DDX56: variants seen among roughly 807,000 people sequenced by gnomAD.
DDX56 encodes the protein probable ATP-dependent RNA helicase DDX56.
Under a neutral mutation model 61.5 loss-of-function variants are expected in DDX56, and 45 were observed. That is an observed-to-expected ratio of 0.73 (90% CI 0.58 to 0.94). The LOEUF is 0.94. DDX56 is among the 40% of genes least tolerant of loss of function. The probability of loss-of-function intolerance (pLI) is 0.00; values close to 1 mark genes in which losing one functional copy is unlikely to be tolerated. For synonymous variants in DDX56, 273 were observed against 268.3 expected (o/e 1.02, Z -0.17); for missense variants, 708 against 690.7 (o/e 1.02, Z -0.28).
chr7:44,572,289 C>G (rs1430289366), intron 5 of DDX56, 58 bp downstream of exon 5: 89 of 1,428,710 alleles, frequency 6.2e-5, no homozygotes, highest in Non-Finnish European at 8.3e-5. Context: ...GAAGGAGCAT[C>G]AAGATCTTTG....
At position 44,572,358 on chromosome 7, in the gene DDX56, A is replaced by T. The variant is rs1213701918; in HGVS notation, c.634T>A (p.Leu212Ile). 6.2e-7 allele frequency: 1 copy of T among 1,613,824 alleles called. No individual in the cohort carries two copies. Among genetic ancestry groups the T allele is most frequent in the Non-Finnish European group, 8.5e-7 (1 of 1,179,902 alleles). ...ATGGTGCCTCTTACCGGGTTATGTA[A>T]TATCAGCTCCTTGAGTGCTTGTACG... ...EDVQALKELI[L>I]HNPVTLKLQE... Residue 212 changes from leucine (L) to isoleucine (I), a missense_variant, in exon 5 of 14, where the codon TTA (leucine) becomes ATA (isoleucine). Transcript: ENST00000258772.
rs1360902933 is a variant in DDX56 at position 44,573,901 on chromosome 7, T to G, written c.-6A>C. On this transcript the variant is annotated 5_prime_UTR_variant, in exon 1 of 14. Transcript: ENST00000258772. ...AGTGCTTCAGAGTCCTCCATGGCGCTGCTCAGTAGCGCAGCACGCACGCGC... is the reference window on the plus strand; with the variant it reads ...AGTGCTTCAGAGTCCTCCATGGCGCGGCTCAGTAGCGCAGCACGCACGCGC... The G allele has an allele frequency of 3.7e-6, 6 of 1,612,984 alleles. No homozygotes were observed. The highest frequency in any genetic ancestry group is 5.1e-6 in the Non-Finnish European group (6 of 1,179,904).
Position 44,573,858 on chromosome 7 carries a change from C to A in DDX56, c.38G>T (p.Gly13Val), listed in dbSNP as rs765538075. ...DSEALGFEHM[G>V]LDPRLLQAVT... ...TACCTGAAGGAGCCGGGGATCGAGG[C>A]CCATGTGTTCGAAGCCCAGTGCTTC... Residue 13 changes from glycine (G) to valine (V), a missense_variant, in exon 1 of 14, where the codon GGC (glycine) becomes GTC (valine). By Grantham distance (109) the Gly-to-Val change is moderately radical. Transcript: ENST00000258772. The A allele has an allele frequency of 1.9e-6, 3 of 1,613,318 alleles. No homozygotes were observed. Among genetic ancestry groups the A allele is most frequent in the Non-Finnish European group, 1.7e-6 (2 of 1,180,014 alleles).
Position 44,571,650 on chromosome 7 carries a change from T to C in DDX56, c.732A>G (p.Lys244=). The C allele has an allele frequency of 6.2e-7, 1 of 1,614,080 alleles. No individual in the cohort carries two copies. ...TGAGCAGGGCATACAGCAGGAGGAA[T>C]TTGTCTTCCTCAGTCTCACAGACCA... ...FQVVCETEED[K]FLLLYALLKL... Residue 244 remains lysine, a synonymous_variant, in exon 6 of 14, where the codon AAA becomes AAG. Coordinates refer to ENST00000258772, the MANE Select transcript of DDX56 (RefSeq NM_019082.4).
chr7:44,572,187 T>G (rs949933782), intron 5 of DDX56, among the ~76,000 whole-genome samples, 160 bp downstream of exon 5: 6 of 152,166 alleles, frequency 3.9e-5, no homozygotes, highest in Non-Finnish European at 5.9e-5. Flanking sequence ...AAATATATAG[T>G]GATTTTAGAC....
chr7:44,573,095 CTG>C (rs1562585736), intron 2 of DDX56, 45 bp from the exon 3 acceptor site: 2 of 1,519,472 alleles, frequency 1.3e-6, no homozygotes, highest in Non-Finnish European at 1.8e-6. Context: ...GTGCACATCA[CTG>C]TGTCCACGTG....
In DDX56 at chr7:44,573,663, G is replaced by A; in HGVS notation, c.142C>T (p.Leu48=). Residue 48 remains leucine (L), a synonymous_variant, in exon 2 of 14, where the codon CTG becomes TTG. Transcript: ENST00000258772. ...CCGGAGCCCGTGCGGGCCCGAGCCA[G>A]GAGGTCCTTCCCTTCTAGGGCCAGT... ...IPLALEGKDL[L]ARARTGSGKT... 1 of 1,613,852 alleles carries A rather than the reference G, an allele frequency of 6.2e-7. No homozygotes were observed. The highest frequency in any genetic ancestry group is 8.5e-7 in the Non-Finnish European group (1 of 1,180,050).
At position 44,568,158 on chromosome 7, in the gene DDX56, T is replaced by C. The variant is rs367828734; in HGVS notation, c.1449A>G (p.Ala483=). The C allele has an allele frequency of 6.2e-7, 1 of 1,614,106 alleles. No homozygotes were observed. The highest frequency in any genetic ancestry group is 8.5e-7 in the Non-Finnish European group (1 of 1,179,976). Residue 483 remains alanine, a synonymous_variant, in exon 12 of 14, where the codon GCA becomes GCG. Transcript: ENST00000258772. ...CATGGCCCAGGTGGGGCTTCACCAC[T>C]GCGGGGTGCAAAGGTAGGTCATGCC... ...LLRHDLPLHP[A]VVKPHLGHVP... is the part of the protein sequence containing the mutation.
rs1023679600 is a variant in DDX56, at chr7:44,566,085, G to A, written c.1567-6C>T. 1.9e-6 allele frequency: 3 copies of A among 1,601,534 alleles called. No homozygotes were observed. Among genetic ancestry groups the A allele is most frequent in the Middle Eastern group, 2.1e-4 (1 of 4,698 alleles). On this transcript the variant is annotated splice_polypyrimidine_tract_variant and splice_region_variant and intron_variant, in intron 13 of 13. Transcript: ENST00000258772. ...GGGTTCTGGGACTTTGCTCTCTAAG[G>A]AGGCAAAGTCACAGGTTAGTTGGGG...
intron 11 of DDX56, 113 bp downstream of exon 11, chr7:44,568,790 C>G (rs1449398132): frequency 4.8e-6 from 4 of 837,814 alleles, no homozygotes; most frequent in Admixed American, 2.2e-5. Flanking sequence ...CCCTTCCGTG[C>G]CAAAGGCCAG....
rs548502772 is a variant in DDX56 at position 44,566,858 on chromosome 7, C to G, written c.1490-334G>C. Reference sequence around the variant, plus strand: ...CCATTACTACCGATACAGGGGGCCCCGCATCCCAGCTGCACCTGATCTTGG... The same window carrying G: ...CCATTACTACCGATACAGGGGGCCCGGCATCCCAGCTGCACCTGATCTTGG... On this transcript the variant is annotated intron_variant, in intron 12 of 13. Transcript: ENST00000258772. Among the ~76,000 whole-genome samples the G allele has an allele frequency of 4.6e-5, 7 of 152,206 alleles. No homozygotes were observed. In the East Asian group the frequency reaches 1.4e-3, roughly 29 times the overall value.
rs190640655 is a variant in DDX56 at position 44,567,836 on chromosome 7, T to C, written c.1489+282A>G. On this transcript the variant is annotated intron_variant, in intron 12 of 13. Transcript: ENST00000258772. Reference sequence around the variant, plus strand: ...CATGGATGGCCATTTGGCCCAGCTCTGGAGACGACCTGGCCTGAAATGCTG... The same window carrying C: ...CATGGATGGCCATTTGGCCCAGCTCCGGAGACGACCTGGCCTGAAATGCTG... The C allele has an allele frequency of 2.3e-4, 114 of 491,344 alleles. 1 individual carries two copies. Among genetic ancestry groups the C allele is most frequent in the African/African-American group, 2.1e-3 (108 of 51,204 alleles). 30.4% of individuals were successfully genotyped at this position (491,344 alleles called of 1,614,324 possible).
At chr7:44,568,305 AC>A in intron 11 of DDX56, 82 bp from the exon 12 acceptor site, 5 of 1,011,026 alleles carry the variant, frequency 4.9e-6, no homozygotes, top group Non-Finnish European at 7.2e-6. Context: ...AGGATAACAC[AC>A]TCATGTGTTT....
Position 44,566,464 on chromosome 7 carries a change from G to A in DDX56, c.1550C>T (p.Ser517Phe), listed in dbSNP as rs769140577. Reference protein sequence around the residue: ...PHKKRKKLSSSCRKAKRAKSQ... With the variant: ...PHKKRKKLSSFCRKAKRAKSQ... ...GAGCCGTACCTTGGCCTTCCTACAA[G>A]AGGAAGACAGCTTCTTCCGCTTCTT... Residue 517 changes from serine to phenylalanine, a missense_variant, in exon 13 of 14, where the codon TCT (serine) becomes TTT (phenylalanine). Coordinates refer to ENST00000258772, the MANE Select transcript of DDX56 (RefSeq NM_019082.4). 6.4e-7 allele frequency: 1 copy of A among 1,559,146 alleles called. No homozygotes were observed. The highest frequency in any genetic ancestry group is 8.7e-7 in the Non-Finnish European group (1 of 1,150,948).
intron 11 of DDX56, 43 bp from the exon 12 acceptor site, chr7:44,568,266 T>C: frequency 7.1e-7 from 1 of 1,415,538 alleles, no homozygotes; most frequent in Non-Finnish European, 9.8e-7. Context: ...GCATCTTTCT[T>C]CTGTGACTTC....
rs1231737854 is a variant in DDX56, at chr7:44,573,847, G to A, written c.49C>T (p.Arg17Trp). The A allele has an allele frequency of 2.5e-6, 4 of 1,613,318 alleles. No homozygotes were observed. Among genetic ancestry groups the A allele is most frequent in the African/African-American group, 1.3e-5 (1 of 75,068 alleles). The change falls in exon 1 of 14, where the codon CGG becomes TGG. Residue 17 changes from arginine to tryptophan, a missense_variant. Physicochemically the swap from Arg to Trp is moderately radical, Grantham distance 101 (BLOSUM62 -3). Coordinates refer to ENST00000258772, the MANE Select transcript of DDX56 (RefSeq NM_019082.4). ...GCCCTCGCGTGTACCTGAAGGAGCCGGGGATCGAGGCCCATGTGTTCGAAG... is the reference window on the plus strand; with the variant it reads ...GCCCTCGCGTGTACCTGAAGGAGCCAGGGATCGAGGCCCATGTGTTCGAAG... ...LGFEHMGLDP[R>W]LLQAVTDLGW...
chr7:44,572,517 G>C, intron 4 of DDX56, 57 bp downstream of exon 4: 1 of 1,613,122 alleles, frequency 6.2e-7, no homozygotes, highest in African/African-American at 1.3e-5. Flanking sequence ...CCCCGCTCTC[G>C]TCCCAACTCC....
intron 7 of DDX56, 53 bp from the exon 8 acceptor site, chr7:44,570,181 T>G (rs1393012327): frequency 5.0e-6 from 8 of 1,596,358 alleles, no homozygotes; most frequent in East Asian, 4.5e-5. Context: ...TGGGCACGTA[T>G]TCACACGCTG....
intron 9 of DDX56, 23 bp from the exon 10 acceptor site, chr7:44,569,226 G>A: frequency 6.2e-7 from 1 of 1,609,344 alleles, no homozygotes; most frequent in Non-Finnish European, 8.5e-7. Flanking sequence ...AAGCAGCGAG[G>A]GTCCCACAGG....
Sources: gnomAD v4.1 joint callset for allele counts (sites outside exome capture counted in the v4.1 genomes callset) on GRCh38, gnomAD v4.1.1 for gene constraint, MANE v1.5 for transcripts, NCBI Gene and HGNC (gene_info 2026-07-23, HGNC 2026-07-21) for gene names.